GALNT13: variants seen among roughly 807,000 people sequenced by gnomAD.
GALNT13 encodes the protein polypeptide N-acetylgalactosaminyltransferase 13, also known as UDP-GalNAc:polypeptide N-acetylgalactosaminyltransferase 13.
GALNT13 carries 28 observed loss-of-function variants against 64.2 expected under a neutral mutation model. The ratio of observed to expected loss-of-function variants is 0.44; its 90% CI spans 0.32 to 0.60. The LOEUF (loss-of-function observed/expected upper bound fraction) is 0.60. Ranked by LOEUF, GALNT13 falls within the 20% of genes least tolerant of loss-of-function variation. The pLI is 0.05. For synonymous variants in GALNT13, 214 were observed against 224.6 expected, an observed-to-expected ratio of 0.95 and a Z score of 0.42; for missense variants, 577 against 669.8, an observed-to-expected ratio of 0.86 and a Z score of 1.53.
chr2:153,165,742 G>A, the GALNT13 span, among the ~76,000 whole-genome samples: 2 of 152,136 alleles, frequency 1.3e-5, no homozygotes. Flanking sequence ...TGGAAATGCT[G>A]ATAGTTTACA....
At chr2:154,335,049 G>A in intron 9 of GALNT13, among the ~76,000 whole-genome samples, 1 of 151,926 alleles carries the variant, frequency 6.6e-6, no homozygotes, top group East Asian at 1.9e-4. Flanking sequence ...TCTTCACTCA[G>A]AAAAACTATT....
chr2:153,594,408 G>A, the GALNT13 span, among the ~76,000 whole-genome samples: 1 of 152,168 alleles, frequency 6.6e-6, no homozygotes, highest in African/African-American at 2.4e-5. Flanking sequence ...TTCTCGACTT[G>A]TCTTCCACGA....
chr2:154,139,663 C>T (rs189458091), intron 3 of GALNT13, among the ~76,000 whole-genome samples: 321 of 149,598 alleles, frequency 2.1e-3, no homozygotes, highest in Non-Finnish European at 3.0e-3. Flanking sequence ...CCCCTTGAAA[C>T]GTATACTTTA....
the GALNT13 span, among the ~76,000 whole-genome samples, chr2:153,492,483 C>T: frequency 2.0e-5 from 3 of 152,096 alleles, no homozygotes. Context: ...TGAGTGCAAG[C>T]GGTCTACATA....
At chr2:153,917,898 C>CTG (rs5835490) in intron 2 of GALNT13, among the ~76,000 whole-genome samples, 150,001 of 151,892 alleles carry the variant, frequency 0.99, 74,091 homozygotes, top group Middle Eastern at 1. Flanking sequence ...AGGCAGTTAT[C>CTG]TGTTAATCAT....
the GALNT13 span, among the ~76,000 whole-genome samples, chr2:153,454,475 C>G: frequency 3.9e-5 from 6 of 152,126 alleles, no homozygotes; most frequent in African/African-American, 7.2e-5. Context: ...GAAAGCTCTT[C>G]TTGGATGCTC....
At chr2:153,953,319 C>T (rs187044599) in intron 3 of GALNT13, among the ~76,000 whole-genome samples, 1 of 152,100 alleles carries the variant, frequency 6.6e-6, no homozygotes. Flanking sequence ...ATACATTAGT[C>T]AATAGTAATA....
intron 9 of GALNT13, among the ~76,000 whole-genome samples, chr2:154,367,324 A>G (rs1697426031): frequency 6.6e-6 from 1 of 152,174 alleles, no homozygotes; most frequent in Non-Finnish European, 1.5e-5. Flanking sequence ...GAAAACAAAG[A>G]AAAATTTAAA....
chr2:153,210,503 A>G, the GALNT13 span, among the ~76,000 whole-genome samples: 1 of 152,182 alleles, frequency 6.6e-6, no homozygotes, highest in Non-Finnish European at 1.5e-5. Flanking sequence ...GATAAACACT[A>G]GTGGATCATG....
the GALNT13 span, among the ~76,000 whole-genome samples, chr2:153,386,552 A>T: frequency 3.9e-5 from 6 of 152,052 alleles, no homozygotes; most frequent in African/African-American, 9.7e-5. Flanking sequence ...GAGGGATCTG[A>T]GTTGGGCCAG....
intron 12 of GALNT13, among the ~76,000 whole-genome samples, chr2:154,440,217 T>C: frequency 6.6e-6 from 1 of 152,280 alleles, no homozygotes; most frequent in South Asian, 2.1e-4. Flanking sequence ...ATCTAGAATA[T>C]ATTTATTAAG....
chr2:153,070,289 A>G, the GALNT13 span, among the ~76,000 whole-genome samples: 2 of 152,190 alleles, frequency 1.3e-5, no homozygotes, highest in Non-Finnish European at 2.9e-5. Flanking sequence ...AAAATGATTG[A>G]TTGGTGGTTG....
At chr2:153,571,016 G>T in the GALNT13 span, among the ~76,000 whole-genome samples, 4 of 151,784 alleles carry the variant, frequency 2.6e-5, no homozygotes, top group African/African-American at 9.6e-5. Flanking sequence ...ATCTTGATAG[G>T]AATTGCATTG....
At chr2:153,869,913 C>A (rs923073939), upstream of GALNT13, among the ~76,000 whole-genome samples, 9 of 152,090 alleles carry the variant, frequency 5.9e-5, no homozygotes, top group African/African-American at 1.9e-4. Flanking sequence ...GGAGCTTGCA[C>A]TCCCTTGTTG....
chr2:154,076,858 C>T (rs1245286881), intron 3 of GALNT13, among the ~76,000 whole-genome samples: 1 of 151,588 alleles, frequency 6.6e-6, no homozygotes, highest in Non-Finnish European at 1.5e-5. Context: ...CTGCAAAATA[C>T]GTTATATAAT....
intron 4 of GALNT13, among the ~76,000 whole-genome samples, chr2:154,156,279 C>T (rs930681930): frequency 6.6e-6 from 1 of 151,964 alleles, no homozygotes; most frequent in South Asian, 2.1e-4. Context: ...GTAAAATTCA[C>T]ATTTTATATT....
chr2:153,846,452 A>T, the GALNT13 span, among the ~76,000 whole-genome samples: 9 of 152,172 alleles, frequency 5.9e-5, no homozygotes, highest in African/African-American at 2.2e-4. Context: ...GTTAAAAATC[A>T]TGATAAATAT....
intron 3 of GALNT13, among the ~76,000 whole-genome samples, chr2:154,063,180 A>G (rs891888271): frequency 3.3e-5 from 5 of 152,092 alleles, no homozygotes; most frequent in African/African-American, 1.2e-4. Flanking sequence ...CCTTATATAT[A>G]TCACATTCTC....
chr2:153,770,992 G>A, the GALNT13 span, among the ~76,000 whole-genome samples: 2 of 152,220 alleles, frequency 1.3e-5, no homozygotes, highest in Admixed American at 6.5e-5. Flanking sequence ...TAATCTAGAA[G>A]AGTTGGTGCT....
Sources: allele counts gnomAD v4.1 joint callset (sites outside exome capture counted in the v4.1 genomes callset), GRCh38; gene constraint gnomAD v4.1.1; transcripts MANE v1.5; gene names NCBI Gene and HGNC (gene_info 2026-07-23, HGNC 2026-07-21).